Variants in UGT2B7 observed in about 807,000 individuals in gnomAD.
UGT2B7 encodes UDP glucuronosyltransferase family 2 member B7.
A neutral mutation model predicts 51.9 loss-of-function variants in UGT2B7; 51 were observed. The ratio of observed to expected loss-of-function variants is 0.98; its 90% CI spans 0.78 to 1.24. The LOEUF is 1.24. Ranked by LOEUF, UGT2B7 falls within the 50% of genes most tolerant of loss-of-function variation. UGT2B7 has a pLI of 0.00. For missense variants in UGT2B7, 727 were observed against 628.4 expected (o/e 1.16, Z -1.68); for synonymous variants, 225 against 211.6 (o/e 1.06, Z -0.55).
intron 1 of UGT2B7, among the ~76,000 whole-genome samples, chr4:69,054,725 G>C (rs1718135885): frequency 6.6e-6 from 1 of 151,988 alleles, no homozygotes; most frequent in South Asian, 2.1e-4. Context: ...AAGACTACAA[G>C]CCCTGCTCCA....
Position 69,112,671 on chromosome 4 carries a change from A to C in UGT2B7, c.1525A>C (p.Thr509Pro). ...TGTGGCAACTGTGATATTTATCGTCACAAAATGTTGTCTGTTTTGTTTCTG... is the reference window on the plus strand; with the variant it reads ...TGTGGCAACTGTGATATTTATCGTCCCAAAATGTTGTCTGTTTTGTTTCTG... ...VCVATVIFIV[T>P]KCCLFCFWKF... The change falls in exon 6 of 6, where the codon ACA becomes CCA. Residue 509 changes from threonine to proline, a missense_variant. By Grantham distance (38) the Thr-to-Pro change is conservative. Coordinates refer to ENST00000305231, the MANE Select transcript of UGT2B7 (RefSeq NM_001074.4). 6.2e-7 allele frequency: 1 copy of C among 1,613,942 alleles called. No homozygotes were observed. Among genetic ancestry groups the C allele is most frequent in the Non-Finnish European group, 8.5e-7 (1 of 1,179,868 alleles).
intron 3 of UGT2B7, among the ~76,000 whole-genome samples, chr4:69,105,162 A>G (rs1719556332): frequency 6.6e-6 from 1 of 152,166 alleles, no homozygotes; most frequent in East Asian, 1.9e-4. Flanking sequence ...TATCAGATTA[A>G]CAACTCCTCC....
At chr4:69,084,312 A>T (rs1397215287) in intron 1 of UGT2B7, among the ~76,000 whole-genome samples, 3 of 83,512 alleles carry the variant, frequency 3.6e-5, no homozygotes, top group Non-Finnish European at 9.4e-5. Flanking sequence ...GTTCATCAGG[A>T]TTATTGGTCT....
At chr4:69,087,022 AGTTTCT>A (rs1718975775) in intron 1 of UGT2B7, among the ~76,000 whole-genome samples, 1 of 150,876 alleles carries the variant, frequency 6.6e-6, no homozygotes, top group Non-Finnish European at 1.5e-5. Context: ...TTTCTAGGTT[AGTTTCT>A]GTATATCCTT....
intron 1 of UGT2B7, among the ~76,000 whole-genome samples, chr4:69,078,377 A>G (rs1296673503): frequency 2.6e-5 from 4 of 152,078 alleles, no homozygotes; most frequent in African/African-American, 9.7e-5. Flanking sequence ...GAATGGTACC[A>G]TCTCCTCTTT....
At chr4:69,097,290 C>A (rs199820941) in intron 1 of UGT2B7, 49 bp downstream of exon 1, 239 of 1,572,046 alleles carry the variant, frequency 1.5e-4, no homozygotes, top group Middle Eastern at 1.7e-4. Flanking sequence ...TTATTTGTGT[C>A]TTTGAAGCAG....
intron 1 of UGT2B7, among the ~76,000 whole-genome samples, chr4:69,067,796 T>G (rs551435746): frequency 5.4e-4 from 82 of 152,278 alleles, no homozygotes; most frequent in African/African-American, 1.9e-3. Context: ...TCGTTTGTTT[T>G]AATGGAAACA....
intron 1 of UGT2B7, among the ~76,000 whole-genome samples, chr4:69,072,267 C>T (rs972193522): frequency 6.6e-6 from 1 of 152,078 alleles, no homozygotes; most frequent in Non-Finnish European, 1.5e-5. Flanking sequence ...AAAATTTAAA[C>T]ACAGAAACTC....
rs1433816833 is a variant in UGT2B7, at chr4:69,102,864, G to T, written c.928G>T (p.Gly310Trp). 1 of 1,613,536 alleles carries T rather than the reference G, an allele frequency of 6.2e-7. No individual in the cohort carries two copies. Among genetic ancestry groups the T allele is most frequent in the Non-Finnish European group, 8.5e-7 (1 of 1,179,716 alleles). ...GENGVVVFSL[G>W]SMVSNMTEER... ...AAATGGTGTTGTGGTGTTTTCTCTG[G>T]GGTCAATGGTCAGTAACATGACAGA... The change falls in exon 3 of 6, where the codon GGG becomes TGG. Residue 310 changes from glycine to tryptophan, a missense_variant. Physicochemically the swap from Gly to Trp is radical, Grantham distance 184 (BLOSUM62 -2). Transcript: ENST00000305231.
At chr4:69,109,299 T>C (rs1204566532) in intron 5 of UGT2B7, among the ~76,000 whole-genome samples, 8 of 152,188 alleles carry the variant, frequency 5.3e-5, no homozygotes, top group Admixed American at 2.0e-4. Flanking sequence ...TGTATGTTTA[T>C]GAAGAACTGC....
chr4:69,083,831 G>C (rs1718888422), intron 1 of UGT2B7, among the ~76,000 whole-genome samples: 1 of 148,260 alleles, frequency 6.7e-6, no homozygotes, highest in South Asian at 2.2e-4. Flanking sequence ...TGCAGAGAGG[G>C]ATAATTTGAT....
At chr4:69,080,077 T>C (rs1162335274) in intron 1 of UGT2B7, among the ~76,000 whole-genome samples, 1 of 152,122 alleles carries the variant, frequency 6.6e-6, no homozygotes, top group Non-Finnish European at 1.5e-5. Flanking sequence ...ATCTTGCCTA[T>C]TTATGCAAAG....
intron 1 of UGT2B7, among the ~76,000 whole-genome samples, chr4:69,064,112 A>AAGAAAGAGAAAGAAAGAAAGAAAAAG (rs754723956): frequency 1.2e-5 from 1 of 86,802 alleles, no homozygotes; most frequent in Non-Finnish European, 2.2e-5. Flanking sequence ...GAAAGAAAGA[A>AAGAAAGAGAAAGAAAGAAAGAAAAAG]AAAGAAAGAA....
At chr4:69,105,878 C>T (rs6600891) in intron 3 of UGT2B7, among the ~76,000 whole-genome samples, 89,806 of 151,962 alleles carry the variant, frequency 0.59, 27,903 homozygotes, top group African/African-American at 0.77. Context: ...ACAACCTACA[C>T]ACAAGTAGAT....
At chr4:69,102,022 G>A (rs1719433573) in intron 2 of UGT2B7, among the ~76,000 whole-genome samples, 1 of 152,102 alleles carries the variant, frequency 6.6e-6, no homozygotes, top group African/African-American at 2.4e-5. Context: ...TGATTTCAGG[G>A]AAAAGTTATT....
At chr4:69,093,120 CA>C (rs138844955), upstream of UGT2B7, among the ~76,000 whole-genome samples, 1,585 of 152,272 alleles carry the variant, frequency 0.01, 29 homozygotes, top group African/African-American at 0.036. Context: ...AGGGAGTTTT[CA>C]AATCTCTGCT....
At chr4:69,074,489 T>C (rs1012122455) in intron 1 of UGT2B7, among the ~76,000 whole-genome samples, 1 of 119,602 alleles carries the variant, frequency 8.4e-6, no homozygotes, top group Admixed American at 7.8e-5. Context: ...CCCCTATTTA[T>C]GATCCTTGGG....
Position 69,108,170 on chromosome 4 carries a change from T to C in UGT2B7, c.1158T>C (p.His386=). ...ATGGCATCTACGAGGCAATCTACCA[T>C]GGGATCCCTATGGTGGGGATTCCAT... is the stretch of plus-strand genomic sequence containing the variant. ...GANGIYEAIY[H]GIPMVGIPLF... is the part of the protein sequence containing the mutation. Residue 386 remains histidine, a synonymous_variant, in exon 5 of 6, where the codon CAT becomes CAC. Transcript: ENST00000305231. The C allele has an allele frequency of 1.9e-6, 3 of 1,613,724 alleles. No homozygotes were observed. The highest frequency in any genetic ancestry group is 1.7e-6 in the Non-Finnish European group (2 of 1,179,696).
chr4:69,066,206 G>A (rs186384448), intron 1 of UGT2B7, among the ~76,000 whole-genome samples: 4 of 152,166 alleles, frequency 2.6e-5, no homozygotes, highest in Non-Finnish European at 4.4e-5. Flanking sequence ...TACATGTTCC[G>A]GTTTGTTGCA....
Sources: gnomAD v4.1 joint callset for allele counts (sites outside exome capture counted in the v4.1 genomes callset) on GRCh38, gnomAD v4.1.1 for gene constraint, MANE v1.5 for transcripts, NCBI Gene and HGNC (gene_info 2026-07-23, HGNC 2026-07-21) for gene names.